PALM2AKAP2: variants seen among roughly 807,000 people sequenced by gnomAD.
PALM2AKAP2 encodes the protein PALM2 and AKAP2 fusion, also known as PALM2-AKAP2 fusion protein.
In PALM2AKAP2, 37 loss-of-function variants were observed where a neutral mutation model predicts 71.5. That is an observed-to-expected ratio of 0.52 (90% CI 0.40 to 0.68). The LOEUF (loss-of-function observed/expected upper bound fraction) is 0.68, where lower values mean the gene tolerates loss of function less well. Ranked by LOEUF, PALM2AKAP2 falls within the 30% of genes least tolerant of loss-of-function variation. The pLI, the probability that PALM2AKAP2 is intolerant of heterozygous loss-of-function variation, is 0.00. For synonymous variants in PALM2AKAP2, 468 were observed against 478.8 expected (o/e 0.98, Z 0.29); for missense variants, 1,224 against 1,191.8 (o/e 1.03, Z -0.40).
chr9:110,156,447 G>A, exon 3 of PALM2AKAP2: 1 of 1,612,128 alleles, frequency 6.2e-7, no homozygotes, highest in Non-Finnish European at 8.5e-7. Context: ...CCTCATGGAA[G>A]ACTATGAGAC....
At chr9:109,816,114 C>A (rs1228604894) in intron 1 of PALM2AKAP2, among the ~76,000 whole-genome samples, 1 of 152,136 alleles carries the variant, frequency 6.6e-6, no homozygotes, top group Non-Finnish European at 1.5e-5. Context: ...GATCCCTGGA[C>A]AGTGTTGAGA....
intron 3 of PALM2AKAP2, among the ~76,000 whole-genome samples, chr9:109,907,237 T>C (rs1325367892): frequency 2.6e-5 from 4 of 152,238 alleles, no homozygotes; most frequent in African/African-American, 9.6e-5. Context: ...ACTATTCATA[T>C]AGCTTCCTCC....
chr9:109,798,624 A>G (rs1564153742), intron 1 of PALM2AKAP2, among the ~76,000 whole-genome samples: 2 of 152,226 alleles, frequency 1.3e-5, no homozygotes, highest in South Asian at 2.1e-4. Flanking sequence ...GCTGTAAACT[A>G]CATCACAGGA....
chr9:109,945,035 A>G (rs1831471079), intron 6 of PALM2AKAP2: 1 of 152,166 alleles, frequency 6.6e-6, no homozygotes, highest in South Asian at 2.1e-4. Context: ...AAAATAAGAT[A>G]GTCTTGAGAG....
At chr9:109,702,413 TA>T (rs1200447474) in intron 1 of PALM2AKAP2, among the ~76,000 whole-genome samples, 1 of 152,082 alleles carries the variant, frequency 6.6e-6, no homozygotes, top group Admixed American at 6.5e-5. Flanking sequence ...TATGCTGCCA[TA>T]AAAAAGGATG....
chr9:109,774,237 C>G (rs1474274127), intron 1 of PALM2AKAP2, among the ~76,000 whole-genome samples: 1 of 152,168 alleles, frequency 6.6e-6, no homozygotes, highest in Non-Finnish European at 1.5e-5. Flanking sequence ...TCTGAGAAAC[C>G]AATGACCTGA....
chr9:109,836,722 C>T (rs1479060435), intron 1 of PALM2AKAP2, among the ~76,000 whole-genome samples: 1 of 152,188 alleles, frequency 6.6e-6, no homozygotes. Flanking sequence ...ATGAGAACTA[C>T]GTGGCGAATG....
chr9:109,943,481 G>C, intron 6 of PALM2AKAP2: 1 of 1,534,724 alleles, frequency 6.5e-7, no homozygotes, highest in East Asian at 2.3e-5. Flanking sequence ...CACTCACGTA[G>C]ACCTCACTGT....
upstream of PALM2AKAP2, among the ~76,000 whole-genome samples, chr9:110,048,381 G>A (rs549031804): frequency 3.1e-4 from 47 of 152,230 alleles, no homozygotes; most frequent in African/African-American, 1.1e-3. Context: ...AGCCCCGTGC[G>A]CTAACAAGTA....
intron 1 of PALM2AKAP2, among the ~76,000 whole-genome samples, chr9:110,092,731 G>A (rs1834742230): frequency 6.6e-6 from 1 of 152,164 alleles, no homozygotes; most frequent in Non-Finnish European, 1.5e-5. Flanking sequence ...TTCAAACGAT[G>A]TTATCCGCCT....
intron 6 of PALM2AKAP2, among the ~76,000 whole-genome samples, chr9:109,951,267 G>A (rs990431102): frequency 9.2e-5 from 14 of 152,044 alleles, no homozygotes; most frequent in South Asian, 2.1e-4. Context: ...GGAGCCTGTC[G>A]TGCTTACTCT....
intron 1 of PALM2AKAP2, among the ~76,000 whole-genome samples, chr9:109,798,146 A>G (rs1587918830): frequency 1.3e-5 from 2 of 152,186 alleles, no homozygotes; most frequent in East Asian, 3.9e-4. Flanking sequence ...TCTTCTTTCT[A>G]CATATGTCTG....
chr9:110,094,349 T>C (rs1588105254), intron 1 of PALM2AKAP2, among the ~76,000 whole-genome samples: 1 of 152,224 alleles, frequency 6.6e-6, no homozygotes, highest in African/African-American at 2.4e-5. Context: ...TACTCGTCTT[T>C]GCGCTAGGTA....
intron 3 of PALM2AKAP2, among the ~76,000 whole-genome samples, chr9:109,910,544 G>A (rs191396315): frequency 5.4e-4 from 82 of 152,354 alleles, no homozygotes; most frequent in Non-Finnish European, 7.1e-4. Flanking sequence ...AGAACATGGC[G>A]TCATGGTCTC....
intron 1 of PALM2AKAP2, among the ~76,000 whole-genome samples, chr9:109,861,616 G>A (rs1214504373): frequency 6.6e-6 from 1 of 152,092 alleles, no homozygotes; most frequent in Non-Finnish European, 1.5e-5. Flanking sequence ...GTCTCTTGAG[G>A]CACACTGCCC....
chr9:109,823,437 T>G lies in PALM2AKAP2; in HGVS notation c.45+42904T>G, dbSNP rs182162958. 7.6e-4 allele frequency among the ~76,000 whole-genome samples: 116 copies of G among 152,338 alleles called. 1 individual carries two copies. The highest frequency in any genetic ancestry group is 2.7e-3 in the African/African-American group (111 of 41,568). On this transcript the variant is annotated intron_variant, in intron 1 of 9. Transcript: ENST00000302798. The stretch of plus-strand genomic sequence containing the variant: ...CAACTCTAGAGTCTTAAACAAGTTC[T>G]TAGCCTGTCTGAGTCTTTATTTTCT...
intron 1 of PALM2AKAP2, among the ~76,000 whole-genome samples, chr9:109,823,871 A>G (rs2131503323): frequency 6.6e-6 from 1 of 152,242 alleles, no homozygotes; most frequent in South Asian, 2.1e-4. Flanking sequence ...CAGTTTGTAT[A>G]TTCTTTCAAA....
chr9:109,961,471 C>T (rs1479533926), intron 6 of PALM2AKAP2, among the ~76,000 whole-genome samples: 18 of 151,894 alleles, frequency 1.2e-4, no homozygotes, highest in Admixed American at 9.2e-4. Flanking sequence ...TTCTCAGGGG[C>T]GGCATTGCCC....
intron 1 of PALM2AKAP2, among the ~76,000 whole-genome samples, chr9:109,808,014 A>G (rs1167151456): frequency 6.6e-6 from 1 of 152,220 alleles, no homozygotes; most frequent in African/African-American, 2.4e-5. Context: ...CCGCAGCCAT[A>G]TGGAACTGTG....
Sources: allele counts gnomAD v4.1 joint callset (sites outside exome capture counted in the v4.1 genomes callset), GRCh38; gene constraint gnomAD v4.1.1; transcripts MANE v1.5; gene names NCBI Gene and HGNC (gene_info 2026-07-23, HGNC 2026-07-21).